CADPS: variants seen among roughly 807,000 people sequenced by gnomAD.
CADPS encodes the protein calcium-dependent secretion activator 1.
A neutral mutation model predicts 167.3 loss-of-function variants in CADPS; 57 were observed. The observed-to-expected ratio is 0.34, with a 90% CI of 0.28 to 0.42. The LOEUF is 0.42. Among genes scored for constraint, CADPS ranks in the 20% least tolerant of loss-of-function variants. The pLI, the probability that CADPS is intolerant of heterozygous loss-of-function variation, is 1.00. For synonymous variants in CADPS, 676 were observed against 635.3 expected, an observed-to-expected ratio of 1.06 and a Z score of -0.96; for missense variants, 1,414 against 1,738.1, an observed-to-expected ratio of 0.81 and a Z score of 3.32.
At chr3:62,593,948 C>T (rs931114288) in intron 6 of CADPS, among the ~76,000 whole-genome samples, 29 of 152,106 alleles carry the variant, frequency 1.9e-4, no homozygotes, top group African/African-American at 6.5e-4. Context: ...GAACTTAGCA[C>T]AGTGCTAGAC....
intron 3 of CADPS, among the ~76,000 whole-genome samples, chr3:62,714,198 A>G (rs546235652): frequency 3.1e-4 from 47 of 152,352 alleles, no homozygotes; most frequent in Non-Finnish European, 1.5e-4. Context: ...CAGACAAGCA[A>G]GCAAAACATG....
At chr3:62,581,743 T>C (rs2083474051) in intron 8 of CADPS, among the ~76,000 whole-genome samples, 1 of 152,064 alleles carries the variant, frequency 6.6e-6, no homozygotes, top group Non-Finnish European at 1.5e-5. Context: ...ACTTCAAGGT[T>C]TTTGGTCTGG....
Position 62,875,108 on chromosome 3 carries a change from A to G in CADPS, c.-79T>C. The G allele has an allele frequency of 1.4e-6, 2 of 1,413,802 alleles. No individual in the cohort carries two copies. Among genetic ancestry groups the G allele is most frequent in the Non-Finnish European group, 1.9e-6 (2 of 1,070,552 alleles). The allele number at this position is 1,413,802 out of a possible 1,614,324, so 87.6% of individuals were successfully genotyped here. On this transcript the variant is annotated 5_prime_UTR_variant, in exon 1 of 30. Coordinates refer to ENST00000383710, the MANE Select transcript of CADPS (RefSeq NM_003716.4). ...TGGGGGGCGCTGGAGGCAGCCGGGG[A>G]TCAGCTCTCCCGGGTGGGCGCTTCT...
intron 21 of CADPS, among the ~76,000 whole-genome samples, chr3:62,484,692 C>A (rs1316297685): frequency 1.3e-5 from 2 of 152,110 alleles, no homozygotes; most frequent in African/African-American, 4.8e-5. Context: ...CACGTCTCAT[C>A]ATTTCTATGG....
intron 17 of CADPS, among the ~76,000 whole-genome samples, chr3:62,509,041 G>T (rs939076220): frequency 6.6e-6 from 1 of 151,906 alleles, no homozygotes; most frequent in Admixed American, 6.6e-5. Flanking sequence ...GGTGGCTCAT[G>T]CCTGTAATCT....
At chr3:62,489,012 A>AT (rs997547689) in intron 21 of CADPS, among the ~76,000 whole-genome samples, 16 of 151,788 alleles carry the variant, frequency 1.1e-4, no homozygotes, top group African/African-American at 2.7e-4. Context: ...AAGAGTTCAA[A>AT]TTTTTTTTTA....
chr3:62,593,583 CAG>C (rs1315915391), intron 6 of CADPS, among the ~76,000 whole-genome samples: 1 of 152,204 alleles, frequency 6.6e-6, no homozygotes, highest in Non-Finnish European at 1.5e-5. Context: ...CCATTGCACT[CAG>C]GGGGCAATCT....
At chr3:62,618,480 A>G (rs891758983) in intron 6 of CADPS, among the ~76,000 whole-genome samples, 1 of 152,300 alleles carries the variant, frequency 6.6e-6, no homozygotes, top group East Asian at 1.9e-4. Flanking sequence ...ACAAATCTGC[A>G]CATGTTCCCT....
At chr3:62,591,803 C>A (rs1198006368) in intron 7 of CADPS, among the ~76,000 whole-genome samples, 2 of 152,106 alleles carry the variant, frequency 1.3e-5, no homozygotes, top group Non-Finnish European at 2.9e-5. Context: ...TAATTGGTGC[C>A]AGTCCCTGTT....
intron 6 of CADPS, among the ~76,000 whole-genome samples, chr3:62,628,233 G>T (rs530199169): frequency 1.3e-5 from 2 of 152,280 alleles, no homozygotes; most frequent in African/African-American, 4.8e-5. Context: ...TTCCTTAGCT[G>T]CAGTCACTGG....
At chr3:62,627,430 T>A (rs758383017) in intron 6 of CADPS, among the ~76,000 whole-genome samples, 11 of 152,166 alleles carry the variant, frequency 7.2e-5, no homozygotes, top group Non-Finnish European at 1.6e-4. Flanking sequence ...CAAGCTGTTC[T>A]GCCTTCTTTG....
At chr3:62,732,458 C>T (rs1030872579) in intron 3 of CADPS, among the ~76,000 whole-genome samples, 2 of 152,182 alleles carry the variant, frequency 1.3e-5, no homozygotes, top group Admixed American at 6.5e-5. Context: ...CCAACACCTT[C>T]GTTGCAGCCT....
At chr3:62,491,195 T>C (rs1561156994) in intron 21 of CADPS, 144 bp downstream of exon 21, 1 of 977,416 alleles carries the variant, frequency 1.0e-6, no homozygotes. Flanking sequence ...AAAGAAGCTA[T>C]GAGCATCATA....
chr3:62,426,367 T>C (rs1020750531), intron 28 of CADPS, among the ~76,000 whole-genome samples: 1 of 152,150 alleles, frequency 6.6e-6, no homozygotes, highest in Admixed American at 6.5e-5. Flanking sequence ...GCCAGGATGG[T>C]CTCAATCTCC....
chr3:62,830,582 A>G (rs1052993910), intron 1 of CADPS, among the ~76,000 whole-genome samples: 5 of 152,174 alleles, frequency 3.3e-5, no homozygotes, highest in Non-Finnish European at 5.9e-5. Flanking sequence ...AGCTAAAGTA[A>G]TTAGAAACCC....
At chr3:62,651,997 A>C (rs947235438) in intron 4 of CADPS, among the ~76,000 whole-genome samples, 2 of 152,120 alleles carry the variant, frequency 1.3e-5, no homozygotes, top group Non-Finnish European at 2.9e-5. Context: ...GAAAGGCTGG[A>C]ATCAGGGCTC....
intron 1 of CADPS, among the ~76,000 whole-genome samples, chr3:62,831,141 T>G (rs1385556824): frequency 6.6e-6 from 1 of 152,184 alleles, no homozygotes; most frequent in Non-Finnish European, 1.5e-5. Context: ...GACTACTCAC[T>G]TCTAACCATA....
intron 5 of CADPS, among the ~76,000 whole-genome samples, 196 bp from the exon 6 acceptor site, chr3:62,646,039 G>T (rs1286053751): frequency 1.3e-5 from 2 of 152,154 alleles, no homozygotes; most frequent in Non-Finnish European, 1.5e-5. Flanking sequence ...TTGCCTGCCA[G>T]ATAGAAAGAC....
In CADPS at chr3:62,455,627, C is replaced by T. The variant is rs577515194; in HGVS notation, c.3636+9740G>A. Reference sequence around the variant, plus strand: ...TAATTTTGTAAAATCTCCAAGCAGACATGTAAGCTTATTTTTGCGGATTTT... The same window carrying T: ...TAATTTTGTAAAATCTCCAAGCAGATATGTAAGCTTATTTTTGCGGATTTT... On this transcript the variant is annotated intron_variant, in intron 26 of 29. Coordinates refer to ENST00000383710, the MANE Select transcript of CADPS (RefSeq NM_003716.4). The surrounding 1 kb of genome is among the most constrained non-coding windows in gnomAD (Gnocchi z 4.4). Among the ~76,000 whole-genome samples the T allele has an allele frequency of 6.6e-6, 1 of 152,318 alleles. No individual in the cohort carries two copies. Among genetic ancestry groups the T allele is most frequent in the East Asian group, 1.9e-4 (1 of 5,180 alleles).
Sources: gnomAD v4.1 joint callset for allele counts (sites outside exome capture counted in the v4.1 genomes callset) on GRCh38, gnomAD v4.1.1 for gene constraint, Gnocchi (gnomAD v3.1) non-coding constraint, MANE v1.5 for transcripts, NCBI Gene and HGNC (gene_info 2026-07-23, HGNC 2026-07-21) for gene names.